Variants in IGF2BP3 observed in about 807,000 individuals in gnomAD.
IGF2BP3 encodes insulin like growth factor 2 mRNA binding protein 3.
A neutral mutation model predicts 73.8 loss-of-function variants in IGF2BP3; 9 were observed. The ratio of observed to expected loss-of-function variants is 0.12; its 90% CI spans 0.07 to 0.21. The LOEUF is 0.21. IGF2BP3 is among the 10% of genes least tolerant of loss of function. IGF2BP3 has a pLI of 1.00. For synonymous variants in IGF2BP3, 258 were observed against 256.7 expected, an observed-to-expected ratio of 1.01 and a Z score of -0.05; for missense variants, 542 against 714.0, an observed-to-expected ratio of 0.76 and a Z score of 2.75.
chr7:23,450,222 T>G (rs78070106), intron 2 of IGF2BP3, among the ~76,000 whole-genome samples: 2 of 152,218 alleles, frequency 1.3e-5, no homozygotes, highest in East Asian at 3.8e-4. Context: ...AAGGGAAGCA[T>G]GCATAAAGCA....
intron 5 of IGF2BP3, among the ~76,000 whole-genome samples, chr7:23,356,526 C>T (rs1785100500): frequency 6.6e-6 from 1 of 152,162 alleles, no homozygotes; most frequent in Admixed American, 6.5e-5. Context: ...CACTGCACTC[C>T]CAAGTCTGCC....
intron 3 of IGF2BP3, among the ~76,000 whole-genome samples, chr7:23,368,941 T>G (rs550731671): frequency 1.3e-5 from 2 of 151,974 alleles, no homozygotes; most frequent in South Asian, 4.2e-4. Context: ...AATTGTACAC[T>G]TTAAATGGTG....
intron 3 of IGF2BP3, among the ~76,000 whole-genome samples, chr7:23,374,570 G>A (rs1005867238): frequency 3.3e-5 from 5 of 151,500 alleles, no homozygotes; most frequent in African/African-American, 9.8e-5. Flanking sequence ...CCAGCTACTC[G>A]GGAGGCTGGG....
At chr7:23,316,572 G>C (rs1783993881) in intron 12 of IGF2BP3, among the ~76,000 whole-genome samples, 1 of 151,854 alleles carries the variant, frequency 6.6e-6, no homozygotes, top group Admixed American at 6.6e-5. Flanking sequence ...CTACTCGGGA[G>C]GCGGAGGCAG....
chr7:23,456,604 G>A (rs559781607), intron 2 of IGF2BP3, among the ~76,000 whole-genome samples: 15 of 152,322 alleles, frequency 9.8e-5, no homozygotes, highest in Admixed American at 3.3e-4. Flanking sequence ...ACTTGTCAGA[G>A]TTAGCACATC....
At chr7:23,363,067 T>C (rs1785272207) in intron 3 of IGF2BP3, among the ~76,000 whole-genome samples, 1 of 152,028 alleles carries the variant, frequency 6.6e-6, no homozygotes, top group African/African-American at 2.4e-5. Context: ...AACTGCAAAG[T>C]TAAAAGGGCG....
At chr7:23,434,198 A>G (rs1787755214) in intron 2 of IGF2BP3, among the ~76,000 whole-genome samples, 2 of 152,214 alleles carry the variant, frequency 1.3e-5, no homozygotes, top group African/African-American at 4.8e-5. Flanking sequence ...TAAGATTACT[A>G]AACTTTTAAA....
At chr7:23,436,996 G>A (rs1263180915) in intron 2 of IGF2BP3, among the ~76,000 whole-genome samples, 1 of 151,756 alleles carries the variant, frequency 6.6e-6, no homozygotes, top group Non-Finnish European at 1.5e-5. Flanking sequence ...GTGTGCGCCT[G>A]TAGTCCCAGC....
chr7:23,394,849 C>T (rs905424670), intron 3 of IGF2BP3, among the ~76,000 whole-genome samples: 1 of 152,158 alleles, frequency 6.6e-6, no homozygotes, highest in Non-Finnish European at 1.5e-5. Flanking sequence ...GAAGCCATGT[C>T]CTTTATGGGA....
intron 10 of IGF2BP3, among the ~76,000 whole-genome samples, 196 bp downstream of exon 10, chr7:23,341,868 A>C (rs967717502): frequency 1.3e-5 from 2 of 152,216 alleles, no homozygotes; most frequent in African/African-American, 4.8e-5. Context: ...TGATATTTGA[A>C]AACACATGTT....
chr7:23,446,805 G>A (rs1170142641), intron 2 of IGF2BP3, among the ~76,000 whole-genome samples: 1 of 152,060 alleles, frequency 6.6e-6, no homozygotes, highest in African/African-American at 2.4e-5. Flanking sequence ...TTAACCAATT[G>A]GTCAAAGTTA....
chr7:23,399,459 C>G (rs1409645700), intron 3 of IGF2BP3, among the ~76,000 whole-genome samples: 6 of 150,886 alleles, frequency 4.0e-5, no homozygotes. Flanking sequence ...GGACTACAGC[C>G]AGGCACTAGA....
rs998666997 is a variant in IGF2BP3 at position 23,469,478 on chromosome 7, T to C, written c.175+458A>G. 1 of 152,338 alleles carries C rather than the reference T, an allele frequency of 6.6e-6. No homozygotes were observed. The highest frequency in any genetic ancestry group is 1.5e-5 in the Non-Finnish European group (1 of 68,152). The allele number at this position is 152,338 out of a possible 1,614,324, so 9.4% of individuals were successfully genotyped here. On this transcript the variant is annotated intron_variant, in intron 1 of 14. Transcript: ENST00000258729. This position sits in a 1 kb window ranked among gnomAD's most constrained non-coding sequence, Gnocchi z 6.1. ...CACTCGGCAGCACGGTCGAGGCCAC[T>C]TTCCGTTCTCCACGGCCGGGGGTTT...
At position 23,312,723 on chromosome 7, in the gene IGF2BP3, G is replaced by T; in HGVS notation, c.1641+12C>A. On this transcript the variant is annotated intron_variant, in intron 14 of 14. Transcript: ENST00000258729. ...GAGAAAGATACAATAGCTTATTTTAGAGCCCACTTGCCTGGCAAGCATAGA... is the reference window on the plus strand; with the variant it reads ...GAGAAAGATACAATAGCTTATTTTATAGCCCACTTGCCTGGCAAGCATAGA... The T allele has an allele frequency of 6.4e-7, 1 of 1,553,426 alleles. No individual in the cohort carries two copies. Among genetic ancestry groups the T allele is most frequent in the Non-Finnish European group, 8.9e-7 (1 of 1,129,184 alleles).
At chr7:23,335,756 T>A (rs1317354813) in intron 10 of IGF2BP3, among the ~76,000 whole-genome samples, 2 of 152,210 alleles carry the variant, frequency 1.3e-5, no homozygotes, top group African/African-American at 2.4e-5. Context: ...CCAATCCAAC[T>A]GTATGCTGCC....
intron 3 of IGF2BP3, among the ~76,000 whole-genome samples, chr7:23,411,984 C>CTTTTTTTTTTTTTTTT (rs767524257): frequency 9.5e-6 from 1 of 104,854 alleles, no homozygotes; most frequent in African/African-American, 4.3e-5. Context: ...ACTTATTTCT[C>CTTTTTTTTTTTTTTTT]TTTTTTTTTT....
chr7:23,443,670 C>G (rs1181488187), intron 2 of IGF2BP3, among the ~76,000 whole-genome samples: 1 of 151,656 alleles, frequency 6.6e-6, no homozygotes, highest in Non-Finnish European at 1.5e-5. Context: ...GAGATTCCAT[C>G]TCAAAAATAA....
At chr7:23,446,829 A>T (rs1788077153) in intron 2 of IGF2BP3, among the ~76,000 whole-genome samples, 1 of 152,158 alleles carries the variant, frequency 6.6e-6, no homozygotes, top group African/African-American at 2.4e-5. Context: ...CCACTACTGA[A>T]ACAAAAATCA....
chr7:23,414,197 C>T (rs1474867372), intron 3 of IGF2BP3: 1 of 151,892 alleles, frequency 6.6e-6, no homozygotes, highest in Non-Finnish European at 1.5e-5. Context: ...CTGCCATAAA[C>T]ATTTAGCAGA....
Sources: gnomAD v4.1 joint callset for allele counts (sites outside exome capture counted in the v4.1 genomes callset) on GRCh38, gnomAD v4.1.1 for gene constraint, Gnocchi (gnomAD v3.1) non-coding constraint, MANE v1.5 for transcripts, NCBI Gene and HGNC (gene_info 2026-07-23, HGNC 2026-07-21) for gene names.